The following SHROOM3 variants were observed in gnomAD, a reference collection of about 807,000 sequenced individuals.
SHROOM3 encodes shroom family member 3.
A neutral mutation model predicts 138.6 loss-of-function variants in SHROOM3; 47 were observed. The observed-to-expected ratio is 0.34, with a 90% CI of 0.27 to 0.43. SHROOM3 has a LOEUF of 0.43. SHROOM3 is among the 20% of genes least tolerant of loss of function. The pLI is 1.00. For missense variants in SHROOM3, 2,491 were observed against 2,596.5 expected, an observed-to-expected ratio of 0.96 and a Z score of 0.88; for synonymous variants, 1,062 against 1,063.3, an observed-to-expected ratio of 1.00 and a Z score of 0.02.
chr4:76,513,285 G>A (rs889892789), intron 1 of SHROOM3, among the ~76,000 whole-genome samples: 7 of 152,112 alleles, frequency 4.6e-5, no homozygotes, highest in Non-Finnish European at 8.8e-5. Context: ...AGAAGGGGAA[G>A]CTGGTTGCTG....
chr4:76,646,825 C>T (rs1308888413), intron 2 of SHROOM3, among the ~76,000 whole-genome samples: 2 of 151,982 alleles, frequency 1.3e-5, no homozygotes, highest in African/African-American at 4.8e-5. Context: ...TTGGTGGGAG[C>T]GTAAATTAGT....
intron 1 of SHROOM3, among the ~76,000 whole-genome samples, chr4:76,547,878 C>T (rs974508804): frequency 4.6e-5 from 7 of 151,020 alleles, no homozygotes; most frequent in African/African-American, 1.2e-4. Context: ...TGCAGTGAGC[C>T]GAGATTGCAT....
At chr4:76,753,752 A>C (rs760879106) in intron 6 of SHROOM3, among the ~76,000 whole-genome samples, 1 of 151,670 alleles carries the variant, frequency 6.6e-6, no homozygotes, top group African/African-American at 2.4e-5. Context: ...CTTAGGTGAG[A>C]CTCTCCCCCT....
intron 1 of SHROOM3, among the ~76,000 whole-genome samples, chr4:76,549,062 A>T (rs1733290644): frequency 1.3e-5 from 2 of 152,354 alleles, no homozygotes; most frequent in South Asian, 2.1e-4. Flanking sequence ...GTTGACAGAG[A>T]GTATCAGCAG....
At position 76,469,200 on chromosome 4, in the gene SHROOM3, C is replaced by CA. The variant is rs1017600748; in HGVS notation, c.168+32990dup. Among the ~76,000 whole-genome samples, 939 of 145,606 alleles carry CA rather than the reference C, an allele frequency of 6.4e-3. 13 individuals are homozygous for CA. Among genetic ancestry groups the CA allele is most frequent in the African/African-American group, 0.021 (826 of 39,762 alleles). ...TAGGCCACAGAGTGAGACTCCATCTCAAAAAAAAAAGAGCATTTAATAAGC... is the reference window on the plus strand; with the variant it reads ...TAGGCCACAGAGTGAGACTCCATCTCAAAAAAAAAAAGAGCATTTAATAAGC... On this transcript the variant is annotated intron_variant, in intron 1 of 10. Transcript: ENST00000296043.
chr4:76,549,242 A>C (rs1733294720), intron 1 of SHROOM3, among the ~76,000 whole-genome samples: 1 of 152,216 alleles, frequency 6.6e-6, no homozygotes, highest in South Asian at 2.1e-4. Context: ...GTACAATCAA[A>C]TGTGTTGTTA....
chr4:76,578,108 T>C (rs191085932), intron 2 of SHROOM3, among the ~76,000 whole-genome samples: 137 of 152,308 alleles, frequency 9.0e-4, no homozygotes, highest in East Asian at 8.5e-3. Flanking sequence ...AAGGTTATCA[T>C]AGTTTTGTGG....
chr4:76,648,879 G>A (rs1194212016), intron 2 of SHROOM3, among the ~76,000 whole-genome samples: 4 of 152,130 alleles, frequency 2.6e-5, no homozygotes, highest in Non-Finnish European at 5.9e-5. Context: ...ATATGATGGG[G>A]GGAGCTGTAT....
chr4:76,673,527 T>C (rs1435429782), intron 2 of SHROOM3, among the ~76,000 whole-genome samples: 2 of 152,282 alleles, frequency 1.3e-5, no homozygotes, highest in African/African-American at 4.8e-5. Context: ...GCTAGGCAGC[T>C]TGCTGAGAGA....
intron 2 of SHROOM3, among the ~76,000 whole-genome samples, chr4:76,681,631 G>GTGTGTGTGTGTGTGTGTGTGTGTGTGTA (rs1196090598): frequency 6.8e-6 from 1 of 147,284 alleles, no homozygotes; most frequent in Non-Finnish European, 1.5e-5. Flanking sequence ...GTGTGTGTGT[G>GTGTGTGTGTGTGTGTGTGTGTGTGTGTA]TGTATGTGTC....
chr4:76,461,900 T>C (rs547726116), intron 1 of SHROOM3, among the ~76,000 whole-genome samples: 20 of 152,216 alleles, frequency 1.3e-4, no homozygotes, highest in Non-Finnish European at 2.4e-4. Flanking sequence ...CCAAATTAAA[T>C]GGGAATGTTA....
Position 76,741,255 on chromosome 4 carries a change from G to T in SHROOM3, c.3082G>T (p.Glu1028Ter). Reference sequence around the variant, plus strand: ...CTACTCGGAGCCCGAGAAGATGAACGAGGTGGGGATCGTGGAGGAGGCCGA... The same window carrying T: ...CTACTCGGAGCCCGAGAAGATGAACTAGGTGGGGATCGTGGAGGAGGCCGA... ...RSYSEPEKMN[E>*]VGIVEEAEPA... Residue 1028 changes from glutamate to a stop codon, truncating the protein, a stop_gained, in exon 5 of 11, where the codon GAG becomes TAG. Transcript: ENST00000296043. LOFTEE classifies it high-confidence loss of function. This position sits in a 1 kb window ranked among gnomAD's most constrained non-coding sequence, Gnocchi z 6.2. The T allele has an allele frequency of 6.2e-7, 1 of 1,611,932 alleles. No homozygotes were observed. The highest frequency in any genetic ancestry group is 8.5e-7 in the Non-Finnish European group (1 of 1,179,640).
At chr4:76,515,631 T>A (rs112042285) in intron 1 of SHROOM3, among the ~76,000 whole-genome samples, 58 of 152,292 alleles carry the variant, frequency 3.8e-4, no homozygotes, top group African/African-American at 1.1e-3. Flanking sequence ...TTTATTCCAA[T>A]AGAGCAGAGG....
intron 2 of SHROOM3, among the ~76,000 whole-genome samples, chr4:76,556,678 T>G (rs111792279): frequency 0.014 from 2,151 of 152,340 alleles, 39 homozygotes; most frequent in African/African-American, 0.049. Context: ...TATTTAAGAA[T>G]GTTCTAGTTG....
intron 2 of SHROOM3, chr4:76,586,082 C>A: frequency 4.7e-6 from 1 of 210,710 alleles, no homozygotes; most frequent in Non-Finnish European, 8.2e-6. Context: ...ACGCCGGAGT[C>A]GGCGTGCCAG....
intron 2 of SHROOM3, among the ~76,000 whole-genome samples, chr4:76,564,563 T>G (rs1417762409): frequency 6.6e-6 from 1 of 152,214 alleles, no homozygotes; most frequent in Non-Finnish European, 1.5e-5. Flanking sequence ...TGTAACACAT[T>G]ATTAGGTTTC....
chr4:76,649,847 T>A (rs1468987457), intron 2 of SHROOM3, among the ~76,000 whole-genome samples: 1 of 152,238 alleles, frequency 6.6e-6, no homozygotes, highest in Non-Finnish European at 1.5e-5. Context: ...CTTATCACCA[T>A]CTGCATTAGT....
chr4:76,739,243 C>T lies in SHROOM3; in HGVS notation c.1070C>T (p.Pro357Leu). The change falls in exon 5 of 11, where the codon CCA (proline) becomes CTA (leucine). Residue 357 changes from proline to leucine, a missense_variant. Around this residue, in one of 4 missense-constraint regions of SHROOM3, gnomAD observed 1,733 missense variants for 1,661.6 expected, o/e 1.04. Coordinates refer to ENST00000296043, the MANE Select transcript of SHROOM3 (RefSeq NM_020859.4). ...AATATTCCTCGGGGCAAGGGAGTGC[C>T]ACCCCCATCCTGGAGCCAGCAGTGC... is the stretch of plus-strand genomic sequence containing the variant. ...WSNIPRGKGVPPPSWSQQCPS... is the reference protein window; with the variant it reads ...WSNIPRGKGVLPPSWSQQCPS... 1.2e-6 allele frequency: 2 copies of T among 1,614,092 alleles called. No individual in the cohort carries two copies. The highest frequency in any genetic ancestry group is 1.6e-4 in the Middle Eastern group (1 of 6,062).
chr4:76,508,756 T>A (rs989895812), intron 1 of SHROOM3, among the ~76,000 whole-genome samples: 1 of 152,210 alleles, frequency 6.6e-6, no homozygotes, highest in African/African-American at 2.4e-5. Context: ...AGTGTATATG[T>A]GTCATGGTAC....
Sources: gnomAD v4.1 joint callset for allele counts (sites outside exome capture counted in the v4.1 genomes callset) on GRCh38, gnomAD v4.1.1 for gene constraint, gnomAD v4.1.1 regional missense constraint, Gnocchi (gnomAD v3.1) non-coding constraint, MANE v1.5 for transcripts, NCBI Gene and HGNC (gene_info 2026-07-23, HGNC 2026-07-21) for gene names.